Variants in PPFIBP1 observed in about 807,000 individuals in gnomAD.
PPFIBP1 encodes the protein PPFIB scaffold protein 1, also known as liprin-beta-1.
In PPFIBP1, 112 loss-of-function variants were observed where a neutral mutation model predicts 137.8. The observed-to-expected ratio is 0.81, with a 90% CI of 0.70 to 0.95. The LOEUF is 0.95. Ranked by LOEUF, PPFIBP1 falls within the 40% of genes least tolerant of loss-of-function variation. The pLI is 0.00. For missense variants in PPFIBP1, 1,083 were observed against 1,196.6 expected, an observed-to-expected ratio of 0.91 and a Z score of 1.40; for synonymous variants, 378 against 417.3, an observed-to-expected ratio of 0.91 and a Z score of 1.15.
chr12:27,586,369 T>C lies in PPFIBP1; in HGVS notation c.-36+8130T>C, dbSNP rs569571986. Among the ~76,000 whole-genome samples, 5 of 152,330 alleles carry C rather than the reference T, an allele frequency of 3.3e-5. No individual in the cohort carries two copies. The South Asian group carries it at 1.0e-3, about 32-fold the overall frequency. On this transcript the variant is annotated intron_variant, in intron 2 of 29. Transcript: ENST00000228425. ...TAGTTTAAGAGAGGATCTATGGCTTTAATCATGTAAGAGATGCATGCTTAA... is the reference window on the plus strand; with the variant it reads ...TAGTTTAAGAGAGGATCTATGGCTTCAATCATGTAAGAGATGCATGCTTAA...
At chr12:27,637,598 AC>A (rs2057775796) in intron 4 of PPFIBP1, among the ~76,000 whole-genome samples, 1 of 152,156 alleles carries the variant, frequency 6.6e-6, no homozygotes, top group Non-Finnish European at 1.5e-5. Context: ...CTTGCCCCCA[AC>A]CTTCCAAATT....
At chr12:27,606,529 C>T (rs968395595) in intron 2 of PPFIBP1, among the ~76,000 whole-genome samples, 2 of 152,170 alleles carry the variant, frequency 1.3e-5, no homozygotes, top group African/African-American at 2.4e-5. Flanking sequence ...TTTGCTGATG[C>T]TTACATAAAC....
chr12:27,632,851 G>T (rs2057355831), intron 2 of PPFIBP1, among the ~76,000 whole-genome samples: 1 of 152,170 alleles, frequency 6.6e-6, no homozygotes, highest in Non-Finnish European at 1.5e-5. Flanking sequence ...ATCAGTAGGG[G>T]TGTATGTGTG....
intron 1 of PPFIBP1, among the ~76,000 whole-genome samples, chr12:27,545,460 T>C (rs558345662): frequency 1.1e-4 from 17 of 152,302 alleles, no homozygotes; most frequent in African/African-American, 3.8e-4. Context: ...CAAATCACTT[T>C]GTCACCAGCC....
intron 2 of PPFIBP1, among the ~76,000 whole-genome samples, chr12:27,612,472 G>A (rs1290362078): frequency 6.6e-6 from 1 of 151,280 alleles, no homozygotes; most frequent in Non-Finnish European, 1.5e-5. Context: ...TGATCCTCCT[G>A]AATAGCTGGG....
intron 2 of PPFIBP1, among the ~76,000 whole-genome samples, chr12:27,590,427 C>A (rs569812368): frequency 2.0e-5 from 3 of 152,310 alleles, no homozygotes; most frequent in African/African-American, 7.2e-5. Flanking sequence ...CTACCCACCT[C>A]GGCCTCCCAA....
At chr12:27,610,886 C>CT (rs779489560) in intron 2 of PPFIBP1, among the ~76,000 whole-genome samples, 1,540 of 144,676 alleles carry the variant, frequency 0.011, 11 homozygotes, top group Middle Eastern at 0.029. Flanking sequence ...AGTTATTTTT[C>CT]TTTTTTTTTT....
intron 2 of PPFIBP1, among the ~76,000 whole-genome samples, chr12:27,630,461 T>C (rs2057182066): frequency 1.3e-5 from 2 of 152,178 alleles, no homozygotes; most frequent in Non-Finnish European, 2.9e-5. Flanking sequence ...TGCTTACATA[T>C]GTATGTTATC....
chr12:27,605,663 A>G (rs560042388), intron 2 of PPFIBP1, among the ~76,000 whole-genome samples: 1 of 152,306 alleles, frequency 6.6e-6, no homozygotes, highest in African/African-American at 2.4e-5. Flanking sequence ...TGTGCTGGCC[A>G]CATTTCAAGG....
At chr12:27,571,761 A>T (rs986031620) in intron 1 of PPFIBP1, among the ~76,000 whole-genome samples, 22 of 152,190 alleles carry the variant, frequency 1.4e-4, no homozygotes, top group Non-Finnish European at 2.2e-4. Context: ...TTAGTTCAGA[A>T]TGGCCTTTCA....
At chr12:27,586,153 A>G (rs2051723648) in intron 2 of PPFIBP1, among the ~76,000 whole-genome samples, 1 of 152,204 alleles carries the variant, frequency 6.6e-6, no homozygotes, top group Non-Finnish European at 1.5e-5. Context: ...TTTGTAGATG[A>G]GGAAACAGCA....
At chr12:27,617,421 G>A (rs2055881771) in intron 2 of PPFIBP1, among the ~76,000 whole-genome samples, 1 of 152,144 alleles carries the variant, frequency 6.6e-6, no homozygotes, top group South Asian at 2.1e-4. Context: ...TCAAATGGAA[G>A]CTCCTCAGTT....
At chr12:27,679,710 A>T in intron 20 of PPFIBP1, 71 bp downstream of exon 20, 4 of 1,533,298 alleles carry the variant, frequency 2.6e-6, no homozygotes, top group Non-Finnish European at 8.9e-7. Flanking sequence ...GGACATGGGT[A>T]TGGACTTTGT....
chr12:27,580,074 C>G (rs1274090979), intron 2 of PPFIBP1, among the ~76,000 whole-genome samples: 18 of 152,048 alleles, frequency 1.2e-4, no homozygotes, highest in Non-Finnish European at 2.9e-5. Flanking sequence ...CCAATCAGAT[C>G]AAGAACCTGG....
In PPFIBP1 at chr12:27,634,632, C is replaced by T. The variant is rs74963586; in HGVS notation, c.65-278C>T. ...TTATCCATCATCTTCATGAGGCCAG[C>T]ACACCTCACACCAAAGCCCACCAGG... is the stretch of plus-strand genomic sequence containing the variant. On this transcript the variant is annotated intron_variant, in intron 3 of 29. Transcript: ENST00000228425. Among the ~76,000 whole-genome samples, 25 of 152,302 alleles carry T rather than the reference C, an allele frequency of 1.6e-4. No homozygotes were observed. In the East Asian group the frequency reaches 4.6e-3, roughly 28 times the overall value.
intron 2 of PPFIBP1, among the ~76,000 whole-genome samples, chr12:27,627,935 C>T (rs1029167192): frequency 6.6e-6 from 1 of 151,698 alleles, no homozygotes; most frequent in Admixed American, 6.6e-5. Context: ...AAACCAGTAG[C>T]CCAAGAACTC....
intron 13 of PPFIBP1, among the ~76,000 whole-genome samples, chr12:27,669,754 C>T (rs1482015594): frequency 6.6e-6 from 1 of 152,192 alleles, no homozygotes; most frequent in African/African-American, 2.4e-5. Context: ...AATAATTCGA[C>T]TTCACATTTT....
In PPFIBP1 at chr12:27,585,518, G is replaced by A. The variant is rs376294243; in HGVS notation, c.-36+7279G>A. Among the ~76,000 whole-genome samples, 25 of 152,268 alleles carry A rather than the reference G, an allele frequency of 1.6e-4. No individual in the cohort carries two copies. The South Asian group carries it at 3.9e-3, about 24-fold the overall frequency. On this transcript the variant is annotated intron_variant, in intron 2 of 29. Transcript: ENST00000228425. ...CCTGCAGATTAACTGTTCATTTTACGAATTATTTATCATGGAGCTACTGTG... is the reference window on the plus strand; with the variant it reads ...CCTGCAGATTAACTGTTCATTTTACAAATTATTTATCATGGAGCTACTGTG...
intron 1 of PPFIBP1, among the ~76,000 whole-genome samples, chr12:27,563,307 A>AAAAAAAT (rs2049330135): frequency 6.9e-6 from 1 of 145,474 alleles, no homozygotes; most frequent in Non-Finnish European, 1.5e-5. Flanking sequence ...AAAAAAAAAA[A>AAAAAAAT]TTAGCTGGGT....
Sources: allele counts gnomAD v4.1 joint callset (sites outside exome capture counted in the v4.1 genomes callset), GRCh38; gene constraint gnomAD v4.1.1; transcripts MANE v1.5; gene names NCBI Gene and HGNC (gene_info 2026-07-23, HGNC 2026-07-21).